The following DOCK7 variants were observed in gnomAD, a reference collection of about 807,000 sequenced individuals.
DOCK7 encodes dedicator of cytokinesis 7, also known as dedicator of cytokinesis protein 7.
In DOCK7, 138 loss-of-function variants were observed where a neutral mutation model predicts 271.0. The observed-to-expected ratio is 0.51, with a 90% CI of 0.44 to 0.59. The LOEUF (loss-of-function observed/expected upper bound fraction) is 0.59. Among genes scored for constraint, DOCK7 ranks in the 20% least tolerant of loss-of-function variants. DOCK7 has a pLI of 0.00. For synonymous variants in DOCK7, 823 were observed against 876.1 expected (o/e 0.94, Z 1.07); for missense variants, 2,066 against 2,592.4 (o/e 0.80, Z 4.41).
At chr1:62,539,500 G>T (rs1357403323) in intron 27 of DOCK7, 45 bp downstream of exon 27, 1 of 1,462,574 alleles carries the variant, frequency 6.8e-7, no homozygotes, top group Admixed American at 1.9e-5. Context: ...AACTAACATA[G>T]TATTTAAATT....
At chr1:62,522,321 G>A (rs1034755089) in intron 31 of DOCK7, among the ~76,000 whole-genome samples, 6 of 151,990 alleles carry the variant, frequency 3.9e-5, no homozygotes, top group Non-Finnish European at 5.9e-5. Context: ...ATTAGCAAAC[G>A]AAATCCATTA....
At chr1:62,600,586 CA>C (rs1241036952) in intron 14 of DOCK7, among the ~76,000 whole-genome samples, 1 of 151,744 alleles carries the variant, frequency 6.6e-6, no homozygotes, top group African/African-American at 2.4e-5. Flanking sequence ...AGAAAGTAAG[CA>C]AACAAACTTG....
rs1339973287 is a variant in DOCK7, at chr1:62,455,232, T to C, written c.*182A>G. ...AGATAACAGCTTGTTACCAGAACAT[T>C]AGAAACCATAGCCATGATTCTCAAG... On this transcript the variant is annotated 3_prime_UTR_variant, in exon 50 of 50. Coordinates refer to ENST00000635253, the MANE Select transcript of DOCK7 (RefSeq NM_001367561.1). 1 of 723,614 alleles carries C rather than the reference T, an allele frequency of 1.4e-6. No individual in the cohort carries two copies. Among genetic ancestry groups the C allele is most frequent in the South Asian group, 1.5e-5 (1 of 65,126 alleles). 44.8% of individuals were successfully genotyped at this position (723,614 alleles called of 1,614,324 possible).
intron 7 of DOCK7, chr1:62,641,591 C>G: frequency 2.1e-6 from 1 of 472,932 alleles, no homozygotes; most frequent in Non-Finnish European, 4.3e-6. Flanking sequence ...GTAGAAATTG[C>G]CAGAAATGTG....
rs2489835 is a variant in DOCK7 at position 62,489,300 on chromosome 1, T to C, written c.5362-235A>G. ...CCGTCTCTACTAAAAATACAAAACATTGGCCGGGCGTGGTGGCGGGTGCCT... is the reference window on the plus strand; with the variant it reads ...CCGTCTCTACTAAAAATACAAAACACTGGCCGGGCGTGGTGGCGGGTGCCT... On this transcript the variant is annotated intron_variant, in intron 41 of 49. Coordinates refer to ENST00000635253, the MANE Select transcript of DOCK7 (RefSeq NM_001367561.1). 0.58 allele frequency among the ~76,000 whole-genome samples: 88,145 copies of C among 151,738 alleles called. 27,342 individuals are homozygous for C. Among genetic ancestry groups the C allele is most frequent in the East Asian group, 0.76 (3,898 of 5,158 alleles).
At chr1:62,549,426 T>C (rs2149413830) in intron 22 of DOCK7, among the ~76,000 whole-genome samples, 1 of 152,286 alleles carries the variant, frequency 6.6e-6, no homozygotes, top group South Asian at 2.1e-4. Context: ...CTTAAGGAAT[T>C]CTACTATGAA....
chr1:62,579,832 A>G (rs1305022776), intron 16 of DOCK7, among the ~76,000 whole-genome samples: 3 of 152,094 alleles, frequency 2.0e-5, no homozygotes, highest in Non-Finnish European at 4.4e-5. Flanking sequence ...ACAAACAAAA[A>G]AAACCAGTAA....
intron 7 of DOCK7, chr1:62,641,098 T>G: frequency 4.3e-6 from 1 of 232,164 alleles, no homozygotes; most frequent in African/African-American, 2.3e-5. Flanking sequence ...GCATGAGGCG[T>G]AAACAGTCTT....
At chr1:62,636,237 T>C (rs957711117) in intron 8 of DOCK7, among the ~76,000 whole-genome samples, 1 of 152,236 alleles carries the variant, frequency 6.6e-6, no homozygotes, top group Non-Finnish European at 1.5e-5. Flanking sequence ...TTCACTGTCA[T>C]TGTCATTCCT....
intron 14 of DOCK7, chr1:62,597,702 T>G: frequency 6.2e-7 from 1 of 1,613,594 alleles, no homozygotes; most frequent in Non-Finnish European, 8.5e-7. Flanking sequence ...TGTAAAAATT[T>G]TAGCCAATGG....
At chr1:62,684,059 G>C (rs995961859) in intron 1 of DOCK7, among the ~76,000 whole-genome samples, 2 of 152,116 alleles carry the variant, frequency 1.3e-5, no homozygotes. Flanking sequence ...GGCCAACATG[G>C]TGAAATCCCG....
At chr1:62,485,499 C>A in intron 43 of DOCK7, 7 of 985,344 alleles carry the variant, frequency 7.1e-6, no homozygotes, top group African/African-American at 1.7e-5. Context: ...ATTCAAAGAG[C>A]CTTTCTACAA....
chr1:62,504,510 C>T, intron 37 of DOCK7, 120 bp downstream of exon 37: 4 of 1,062,774 alleles, frequency 3.8e-6, no homozygotes, highest in South Asian at 1.7e-5. Context: ...TCAAGATAGC[C>T]TATGATTAGA....
At chr1:62,458,381 C>G (rs1301942243) in intron 48 of DOCK7, 1 of 152,126 alleles carries the variant, frequency 6.6e-6, no homozygotes, top group African/African-American at 2.4e-5. Context: ...TATTTACTTC[C>G]AGTGTCATTA....
chr1:62,583,341 C>A, intron 15 of DOCK7, 87 bp from the exon 16 acceptor site: 1 of 1,282,786 alleles, frequency 7.8e-7, no homozygotes, highest in South Asian at 1.3e-5. Flanking sequence ...GATTTAATAA[C>A]TATTTGAGAA....
chr1:62,586,672 ACT>A (rs1491040995), intron 14 of DOCK7, 48 bp from the exon 15 acceptor site: 5 of 1,144,658 alleles, frequency 4.4e-6, no homozygotes, highest in African/African-American at 1.6e-5. Flanking sequence ...TCTAAGAAAC[ACT>A]ATGTATCACT....
Position 62,496,427 on chromosome 1 carries a change from T to C in DOCK7, c.4835A>G (p.Asn1612Ser), listed in dbSNP as rs1485894291. 1.2e-6 allele frequency: 2 copies of C among 1,613,630 alleles called. No individual in the cohort carries two copies. The highest frequency in any genetic ancestry group is 1.7e-6 in the Non-Finnish European group (2 of 1,179,690). Residue 1612 changes from asparagine to serine, a missense_variant, in exon 38 of 50, where the codon AAT becomes AGT. This residue lies in a region of DOCK7 where 652 missense variants were observed against 922.1 expected (regional missense o/e 0.71). Coordinates refer to ENST00000635253, the MANE Select transcript of DOCK7 (RefSeq NM_001367561.1). ...TAGAGAACGTCTTAAGAATTCTTCA[T>C]TAAAATTCTGAGATGTGCCCACCAA... ...SSLVGTSQNF[N>S]EEFLRRSLKT... is the part of the protein sequence containing the mutation.
chr1:62,686,598 GT>G (rs1421628845), intron 1 of DOCK7, among the ~76,000 whole-genome samples: 4 of 152,004 alleles, frequency 2.6e-5, no homozygotes, highest in African/African-American at 9.7e-5. Context: ...ATTACTACAA[GT>G]GTTTGATGAC....
chr1:62,495,550 A>G, intron 39 of DOCK7, 31 bp downstream of exon 39: 1 of 1,457,506 alleles, frequency 6.9e-7, no homozygotes, highest in Non-Finnish European at 9.2e-7. Context: ...AGTCCCTTAT[A>G]CAAAGCATAA....
Sources: gnomAD v4.1 joint callset for allele counts (sites outside exome capture counted in the v4.1 genomes callset) on GRCh38, gnomAD v4.1.1 for gene constraint, gnomAD v4.1.1 regional missense constraint, MANE v1.5 for transcripts, NCBI Gene and HGNC (gene_info 2026-07-23, HGNC 2026-07-21) for gene names.